The following TEKT1 variants were observed in gnomAD, a reference collection of about 807,000 sequenced individuals.
TEKT1 encodes the protein tektin 1, also known as tektin-1.
Under a neutral mutation model 34.8 loss-of-function variants are expected in TEKT1, and 32 were observed. That is an observed-to-expected ratio of 0.92 (90% CI 0.69 to 1.23). The LOEUF is 1.23. TEKT1 is among the 50% of genes most tolerant of loss of function. TEKT1 has a pLI of 0.00. For synonymous variants in TEKT1, 207 were observed against 199.8 expected (o/e 1.04, Z -0.30); for missense variants, 492 against 518.5 (o/e 0.95, Z 0.50).
intron 6 of TEKT1, among the ~76,000 whole-genome samples, chr17:6,804,522 C>G (rs2151582151): frequency 6.6e-6 from 1 of 152,330 alleles, no homozygotes; most frequent in Middle Eastern, 3.4e-3. Context: ...TGAGAGAGGG[C>G]ATCCCTGTCT....
intron 2 of TEKT1, among the ~76,000 whole-genome samples, chr17:6,829,307 TA>T (rs765603093): frequency 6.6e-6 from 1 of 152,188 alleles, no homozygotes; most frequent in Non-Finnish European, 1.5e-5. Flanking sequence ...CCTATCTGGT[TA>T]TACACCTGTC....
intron 3 of TEKT1, among the ~76,000 whole-genome samples, chr17:6,818,926 A>G (rs28369194): frequency 0.047 from 7,097 of 152,248 alleles, 525 homozygotes; most frequent in African/African-American, 0.16. Context: ...TAAATTCAAT[A>G]TTATTTTAAA....
In TEKT1 at chr17:6,798,117, C is replaced by A. The variant is rs1328771910; in HGVS notation, c.*1910G>T. The stretch of plus-strand genomic sequence containing the variant: ...CCTTAAAAGCAGCATGTTCCAGACA[C>A]TGTGTTGAGAGTCTTCCACACGTTA... On this transcript the variant is annotated 3_prime_UTR_variant, in exon 8 of 8. Coordinates refer to ENST00000338694, the MANE Select transcript of TEKT1 (RefSeq NM_053285.2). 4.6e-5 allele frequency: 7 copies of A among 152,226 alleles called. No individual in the cohort carries two copies. The allele number at this position is 152,226 out of a possible 1,614,324, so 9.4% of individuals were successfully genotyped here.
Position 6,819,331 on chromosome 17 carries a change from C to T in TEKT1, c.218G>A (p.Trp73Ter). 6.2e-7 allele frequency: 1 copy of T among 1,613,858 alleles called. No homozygotes were observed. Among genetic ancestry groups the T allele is most frequent in the Non-Finnish European group, 8.5e-7 (1 of 1,179,888 alleles). ...LEQRLEEVQFWKKELDDKLEQ... is the reference protein window; with the variant it reads ...LEQRLEEVQF Reference sequence around the variant, plus strand: ...AAGTTTGTCATCTAACTCCTTCTTCCAGAACTGGACTTCCTCGAGTCTCTG... The same window carrying T: ...AAGTTTGTCATCTAACTCCTTCTTCTAGAACTGGACTTCCTCGAGTCTCTG... Residue 73 changes from tryptophan (W) to a stop codon, truncating the protein, a stop_gained, in exon 3 of 8, where the codon TGG becomes TAG. Transcript: ENST00000338694. LOFTEE classifies it high-confidence loss of function.
At chr17:6,821,712 G>A (rs1977092425) in intron 2 of TEKT1, among the ~76,000 whole-genome samples, 1 of 152,178 alleles carries the variant, frequency 6.6e-6, no homozygotes, top group Admixed American at 6.5e-5. Flanking sequence ...GAGACTTGTT[G>A]AATGGTTTCG....
intron 2 of TEKT1, among the ~76,000 whole-genome samples, chr17:6,825,264 G>A (rs1233692552): frequency 6.6e-6 from 1 of 152,126 alleles, no homozygotes; most frequent in African/African-American, 2.4e-5. Context: ...CATTAGATTG[G>A]AAAATTGAGT....
chr17:6,813,184 T>C (rs1289860206), intron 5 of TEKT1, 131 bp from the exon 6 acceptor site: 1 of 750,248 alleles, frequency 1.3e-6, no homozygotes, highest in Admixed American at 2.6e-5. Context: ...GCAGAGCAAA[T>C]AGTGGTCTGT....
At chr17:6,818,168 C>A (rs1233040140) in intron 3 of TEKT1, among the ~76,000 whole-genome samples, 4 of 152,134 alleles carry the variant, frequency 2.6e-5, no homozygotes, top group African/African-American at 7.2e-5. Flanking sequence ...TCATGATGAA[C>A]CTTGGTTTGC....
intron 6 of TEKT1, among the ~76,000 whole-genome samples, chr17:6,808,334 G>A (rs1417866151): frequency 1.3e-5 from 2 of 152,216 alleles, no homozygotes; most frequent in Non-Finnish European, 2.9e-5. Flanking sequence ...TATTAGGGTG[G>A]AAGTGACCTG....
At chr17:6,810,930 G>A (rs1362478662) in intron 6 of TEKT1, among the ~76,000 whole-genome samples, 3 of 152,150 alleles carry the variant, frequency 2.0e-5, no homozygotes, top group Non-Finnish European at 2.9e-5. Flanking sequence ...AGTAGAGACA[G>A]GGTTTCACCC....
chr17:6,803,187 AT>A (rs1443110946), intron 6 of TEKT1, among the ~76,000 whole-genome samples: 2 of 151,984 alleles, frequency 1.3e-5, no homozygotes, highest in African/African-American at 4.8e-5. Context: ...TGTGGTTTTG[AT>A]TTGCATTTCT....
At chr17:6,801,957 A>G (rs1976779452) in intron 6 of TEKT1, among the ~76,000 whole-genome samples, 1 of 152,200 alleles carries the variant, frequency 6.6e-6, no homozygotes, top group African/African-American at 2.4e-5. Flanking sequence ...TAGTTATTTT[A>G]AAACTAATCC....
Position 6,830,348 on chromosome 17 carries a change from T to A in TEKT1, c.29A>T (p.Lys10Met). 1 of 1,597,814 alleles carries A rather than the reference T, an allele frequency of 6.3e-7. No homozygotes were observed. Among genetic ancestry groups the A allele is most frequent in the Non-Finnish European group, 8.5e-7 (1 of 1,176,472 alleles). The change falls in exon 2 of 8, where the codon AAG (lysine) becomes ATG (methionine). Residue 10 changes from lysine (K) to methionine (M), a missense_variant. Coordinates refer to ENST00000338694, the MANE Select transcript of TEKT1 (RefSeq NM_053285.2). ...AATGTGCCACTCTGAGGGCAGGAAC[T>A]TGGGTGGAGGTTGTAATAGTTTAGC... MAKLLQPPP[K>M]FLPSEWHIAN... is the part of the protein sequence containing the mutation.
At chr17:6,810,093 C>T (rs1976906923) in intron 6 of TEKT1, among the ~76,000 whole-genome samples, 1 of 152,222 alleles carries the variant, frequency 6.6e-6, no homozygotes, top group African/African-American at 2.4e-5. Flanking sequence ...TACCATTTTG[C>T]ATTCTCATCA....
intron 4 of TEKT1, 113 bp from the exon 5 acceptor site, chr17:6,815,419 G>A (rs1976991086): frequency 2.4e-6 from 3 of 1,266,540 alleles, no homozygotes; most frequent in African/African-American, 1.5e-5. Context: ...CAGGATGATG[G>A]TACTGCCCCC....
chr17:6,819,389 T>G, intron 2 of TEKT1, 31 bp from the exon 3 acceptor site: 1 of 1,590,012 alleles, frequency 6.3e-7, no homozygotes. Flanking sequence ...ACACCAGGGC[T>G]AATCTATCCC....
chr17:6,823,802 G>A (rs9899004), intron 2 of TEKT1, among the ~76,000 whole-genome samples: 8,776 of 145,098 alleles, frequency 0.06, 767 homozygotes, highest in African/African-American at 0.19. Context: ...TTCCTCGCCT[G>A]TGAAACCTCA....
intron 2 of TEKT1, among the ~76,000 whole-genome samples, chr17:6,828,163 C>G (rs1904465345): frequency 6.6e-6 from 1 of 152,150 alleles, no homozygotes; most frequent in African/African-American, 2.4e-5. Flanking sequence ...CCAGGATGGT[C>G]TCAATCTCCT....
chr17:6,819,171 T>C, intron 3 of TEKT1, 22 bp downstream of exon 3: 1 of 1,605,338 alleles, frequency 6.2e-7, no homozygotes, highest in Non-Finnish European at 8.5e-7. Context: ...ACATGAATCA[T>C]TTGAGGGACC....
Sources: allele counts gnomAD v4.1 joint callset (sites outside exome capture counted in the v4.1 genomes callset), GRCh38; gene constraint gnomAD v4.1.1; transcripts MANE v1.5; gene names NCBI Gene and HGNC (gene_info 2026-07-23, HGNC 2026-07-21).